Variants in MAST4 observed in about 807,000 individuals in gnomAD.
MAST4 encodes the protein microtubule-associated serine/threonine-protein kinase 4.
Under a neutral mutation model 162.7 loss-of-function variants are expected in MAST4, and 89 were observed. The observed-to-expected ratio is 0.55, with a 90% CI of 0.46 to 0.65. The LOEUF (loss-of-function observed/expected upper bound fraction) is 0.65, where lower values mean the gene tolerates loss of function less well. MAST4 is among the 30% of genes least tolerant of loss of function. The pLI is 0.00. For synonymous variants in MAST4, 1,479 were observed against 1,361.1 expected (o/e 1.09, Z -1.91); for missense variants, 3,153 against 3,374.0 (o/e 0.93, Z 1.62).
intron 3 of MAST4, among the ~76,000 whole-genome samples, chr5:66,795,098 A>G (rs997080334): frequency 2.6e-5 from 4 of 152,204 alleles, no homozygotes; most frequent in Admixed American, 6.5e-5. Flanking sequence ...CTCAAAACCA[A>G]AAACCTGATC....
At chr5:66,987,429 AC>A (rs1749642447) in intron 4 of MAST4, among the ~76,000 whole-genome samples, 1 of 51,596 alleles carries the variant, frequency 1.9e-5, no homozygotes, top group Non-Finnish European at 4.8e-5. Context: ...TAATTATAAT[AC>A]CCTTTTTTTT....
At chr5:66,641,425 G>C (rs1177989041) in intron 1 of MAST4, among the ~76,000 whole-genome samples, 4 of 152,160 alleles carry the variant, frequency 2.6e-5, no homozygotes, top group Admixed American at 2.6e-4. Flanking sequence ...CCAAAGTGCT[G>C]GGATTACAGG....
chr5:66,841,525 G>T (rs1403510634), intron 3 of MAST4, among the ~76,000 whole-genome samples: 1 of 152,140 alleles, frequency 6.6e-6, no homozygotes, highest in African/African-American at 2.4e-5. Context: ...CAGCAGATTT[G>T]GTTTCTGGGG....
At chr5:66,732,393 C>T (rs77358531) in intron 1 of MAST4, among the ~76,000 whole-genome samples, 6 of 152,136 alleles carry the variant, frequency 3.9e-5, no homozygotes, top group African/African-American at 1.4e-4. Context: ...ACACTGTTGC[C>T]TCTGATAGAA....
At position 67,165,709 on chromosome 5, in the gene MAST4, A is replaced by G. The variant is rs773549953; in HGVS notation, c.6530A>G (p.Gln2177Arg). The change falls in exon 29 of 29, where the codon CAG (glutamine) becomes CGG (arginine). Residue 2177 changes from glutamine (Q) to arginine (R), a missense_variant. This residue lies in a region of MAST4 where 1,644 missense variants were observed against 1,495.0 expected (regional missense o/e 1.10). Transcript: ENST00000403625. ...ACTGCAGAGCCCAGCTCGAGCCCCCAGGACCCTCCCAAGCCTGTTGCTGCG... is the reference window on the plus strand; with the variant it reads ...ACTGCAGAGCCCAGCTCGAGCCCCCGGGACCCTCCCAAGCCTGTTGCTGCG... ...PSTAEPSSSPQDPPKPVAAHS... is the reference protein window; with the variant it reads ...PSTAEPSSSPRDPPKPVAAHS... 3.2e-6 allele frequency: 5 copies of G among 1,577,470 alleles called. No homozygotes were observed. In the East Asian group the frequency reaches 1.2e-4, roughly 37 times the overall value.
intron 1 of MAST4, among the ~76,000 whole-genome samples, chr5:66,628,181 C>T (rs186850272): frequency 2.5e-4 from 38 of 152,070 alleles, no homozygotes; most frequent in African/African-American, 8.7e-4. Context: ...TATAGGCACA[C>T]GCCACCACAC....
At chr5:67,005,327 G>A (rs1175564048) in intron 4 of MAST4, among the ~76,000 whole-genome samples, 2 of 152,192 alleles carry the variant, frequency 1.3e-5, no homozygotes, top group African/African-American at 4.8e-5. Flanking sequence ...TGGATAATAA[G>A]ACATTTCCTT....
chr5:66,641,895 G>A (rs1745510876), intron 1 of MAST4, among the ~76,000 whole-genome samples: 1 of 152,052 alleles, frequency 6.6e-6, no homozygotes, highest in Admixed American at 6.5e-5. Context: ...TGATAAATAG[G>A]AAAAAATAAC....
chr5:66,766,871 A>G (rs2149627656), intron 2 of MAST4, among the ~76,000 whole-genome samples: 1 of 152,328 alleles, frequency 6.6e-6, no homozygotes, highest in Non-Finnish European at 1.5e-5. Flanking sequence ...AGCAAACCAG[A>G]AAATATCAAT....
rs140765024 is a variant in MAST4, at chr5:66,684,233, C to T, written c.364-75476C>T. ...GGGCACAGATCTAACTGGCCCTCTC[C>T]CTGCATGGCCATCCTGGCTAGCCTA... On this transcript the variant is annotated intron_variant, in intron 1 of 28. Coordinates refer to ENST00000403625, the MANE Select transcript of MAST4 (RefSeq NM_001164664.2). 9.9e-4 allele frequency among the ~76,000 whole-genome samples: 151 copies of T among 152,302 alleles called. 1 individual carries two copies. Among genetic ancestry groups the T allele is most frequent in the South Asian group, 2.1e-3 (10 of 4,824 alleles).
chr5:66,969,813 C>T (rs916141429), intron 4 of MAST4, among the ~76,000 whole-genome samples: 10 of 152,166 alleles, frequency 6.6e-5, no homozygotes, highest in African/African-American at 2.4e-4. Flanking sequence ...TAGTTTCTTT[C>T]GCTTTTTACA....
intron 1 of MAST4, among the ~76,000 whole-genome samples, chr5:66,658,310 T>TA (rs1220151215): frequency 1.3e-5 from 2 of 152,192 alleles, no homozygotes. Context: ...CTGTCTGGAC[T>TA]AAAAAGGAAT....
rs1324360140 is a variant in MAST4 at position 66,608,065 on chromosome 5, TTG to T, written c.363+11049_363+11050del. 2.8e-4 allele frequency among the ~76,000 whole-genome samples: 37 copies of T among 132,594 alleles called. 1 individual carries two copies. The South Asian group carries it at 8.4e-3, about 30-fold the overall frequency. The allele number at this position is 132,594 out of a possible 152,430, so 87.0% of individuals were successfully genotyped here. A position where few individuals can be genotyped will look rare whatever the true frequency, so the allele number is the denominator to read the frequency against. ...CACCTCACATGCTTACTTTTTTTTT[TTG>T]TTTTTTTTTTTTGAGACAGAGTCTC... On this transcript the variant is annotated intron_variant, in intron 1 of 28. Transcript: ENST00000403625.
At chr5:66,848,565 G>A (rs1229025081) in intron 3 of MAST4, among the ~76,000 whole-genome samples, 1 of 152,084 alleles carries the variant, frequency 6.6e-6, no homozygotes, top group Admixed American at 6.5e-5. Context: ...TAGCTGATGT[G>A]GCAAGTCTGC....
intron 3 of MAST4, among the ~76,000 whole-genome samples, chr5:66,841,630 C>T (rs1758433858): frequency 6.6e-6 from 1 of 152,038 alleles, no homozygotes; most frequent in Non-Finnish European, 1.5e-5. Context: ...GCATTAATCC[C>T]ATCATGAGGG....
intron 4 of MAST4, among the ~76,000 whole-genome samples, chr5:67,011,612 C>T (rs1432980127): frequency 1.3e-5 from 2 of 152,228 alleles, no homozygotes; most frequent in African/African-American, 2.4e-5. Context: ...GAGGAGAAAA[C>T]TGAGCTCCAA....
chr5:66,830,535 A>C (rs1350482306), intron 3 of MAST4, among the ~76,000 whole-genome samples: 1 of 152,224 alleles, frequency 6.6e-6, no homozygotes, highest in Non-Finnish European at 1.5e-5. Context: ...TCCTCTGTAT[A>C]ATGGATAAGG....
intron 5 of MAST4, among the ~76,000 whole-genome samples, chr5:67,070,087 A>G (rs1389392476): frequency 6.6e-6 from 1 of 152,168 alleles, no homozygotes; most frequent in Admixed American, 6.5e-5. Flanking sequence ...CTTGAAATTG[A>G]AAGAAAAAAA....
intron 2 of MAST4, among the ~76,000 whole-genome samples, chr5:66,769,016 T>C (rs1754241046): frequency 6.6e-6 from 1 of 152,128 alleles, no homozygotes. Flanking sequence ...GAAGGAGATA[T>C]GACATAGTCT....
Sources: gnomAD v4.1 joint callset for allele counts (sites outside exome capture counted in the v4.1 genomes callset) on GRCh38, gnomAD v4.1.1 for gene constraint, gnomAD v4.1.1 regional missense constraint, MANE v1.5 for transcripts, NCBI Gene and HGNC (gene_info 2026-07-23, HGNC 2026-07-21) for gene names.